SCAMP2: variants seen among roughly 807,000 people sequenced by gnomAD.
The protein encoded by SCAMP2 is secretory carrier membrane protein 2.
A neutral mutation model predicts 44.1 loss-of-function variants in SCAMP2; 25 were observed. The ratio of observed to expected loss-of-function variants is 0.57; its 90% CI spans 0.41 to 0.79. SCAMP2 has a LOEUF of 0.79. Ranked by LOEUF, SCAMP2 falls within the 30% of genes least tolerant of loss-of-function variation. The pLI is 0.00. For missense variants in SCAMP2, 355 were observed against 411.0 expected, an observed-to-expected ratio of 0.86 and a Z score of 1.18; for synonymous variants, 156 against 166.0, an observed-to-expected ratio of 0.94 and a Z score of 0.46.
chr15:74,845,725 C>T (rs2141169727), intron 7 of SCAMP2, 132 bp from the exon 8 acceptor site: 1 of 1,147,212 alleles, frequency 8.7e-7, no homozygotes, highest in South Asian at 1.4e-5. Flanking sequence ...ACAGGGAGCC[C>T]TGTGAGCCAG....
intron 1 of SCAMP2, chr15:74,872,970 A>T (rs1165297803): frequency 2.1e-6 from 1 of 466,522 alleles, no homozygotes; most frequent in Non-Finnish European, 3.8e-6. Flanking sequence ...CGGGTGCTAG[A>T]AGACCCCACT....
chr15:74,868,080 A>C (rs1453820226), intron 1 of SCAMP2, among the ~76,000 whole-genome samples: 1 of 152,200 alleles, frequency 6.6e-6, no homozygotes, highest in Admixed American at 6.5e-5. Context: ...CAAAGCAGAG[A>C]CCGAAATACT....
At chr15:74,869,092 T>C (rs558451244) in intron 1 of SCAMP2, among the ~76,000 whole-genome samples, 1 of 152,238 alleles carries the variant, frequency 6.6e-6, no homozygotes, top group African/African-American at 2.4e-5. Context: ...AGGTGGAGAC[T>C]GCAGTGAGCC....
rs370309946 is a variant in SCAMP2, at chr15:74,873,190, G to C, written c.57+9C>G. On this transcript the variant is annotated intron_variant, in intron 1 of 8. Transcript: ENST00000268099. ...ATCTGAGAGCTGGATGGCGGGAGAG[G>C]GGCTCTACCTGGAAGGGGTTTACAT... 32 of 1,435,258 alleles carry C rather than the reference G, an allele frequency of 2.2e-5. No homozygotes were observed. The highest frequency in any genetic ancestry group is 2.7e-5 in the Non-Finnish European group (30 of 1,098,534). 88.9% of individuals were successfully genotyped at this position (1,435,258 alleles called of 1,614,324 possible). A position where few individuals can be genotyped will look rare whatever the true frequency, so the allele number is the denominator to read the frequency against.
At chr15:74,856,972 C>T (rs1017063364) in intron 1 of SCAMP2, among the ~76,000 whole-genome samples, 1 of 152,196 alleles carries the variant, frequency 6.6e-6, no homozygotes, top group Non-Finnish European at 1.5e-5. Context: ...GATGTAGAAA[C>T]TGATATTCAC....
chr15:74,846,079 T>C (rs2064397110), intron 7 of SCAMP2, among the ~76,000 whole-genome samples: 1 of 151,900 alleles, frequency 6.6e-6, no homozygotes, highest in Non-Finnish European at 1.5e-5. Context: ...GGTCAGGAGT[T>C]TGAGACCAGC....
intron 1 of SCAMP2, among the ~76,000 whole-genome samples, chr15:74,855,883 G>C (rs1010569873): frequency 6.6e-6 from 1 of 152,118 alleles, no homozygotes; most frequent in Admixed American, 6.5e-5. Flanking sequence ...GTTTTTTAAA[G>C]TCTTTTCATA....
At chr15:74,850,392 G>T in intron 6 of SCAMP2, 122 bp downstream of exon 6, 1 of 965,122 alleles carries the variant, frequency 1.0e-6, no homozygotes, top group Non-Finnish European at 1.6e-6. Context: ...TGTAGGGAAA[G>T]TGGATTTCCC....
chr15:74,846,837 G>A (rs542760508), intron 7 of SCAMP2, among the ~76,000 whole-genome samples: 5 of 152,238 alleles, frequency 3.3e-5, no homozygotes, highest in Admixed American at 2.0e-4. Flanking sequence ...TATGGAAAGC[G>A]TGGCTGCTCA....
intron 1 of SCAMP2, among the ~76,000 whole-genome samples, chr15:74,867,060 G>A (rs1055171765): frequency 1.2e-4 from 18 of 152,330 alleles, no homozygotes; most frequent in Admixed American, 3.3e-4. Context: ...CTCCCAAAGT[G>A]CTGGGATTAC....
At chr15:74,845,413 G>A (rs750963093) in intron 8 of SCAMP2, 60 bp downstream of exon 8, 1 of 1,611,962 alleles carries the variant, frequency 6.2e-7, no homozygotes, top group East Asian at 2.2e-5. Flanking sequence ...CTCGTGGCAA[G>A]GGCAGGAAAC....
chr15:74,860,945 C>T (rs1358125963), intron 1 of SCAMP2, among the ~76,000 whole-genome samples: 4 of 151,900 alleles, frequency 2.6e-5, no homozygotes, highest in African/African-American at 7.3e-5. Flanking sequence ...GAGGCTGAGG[C>T]GGGTAGATCA....
chr15:74,861,900 C>CAAAA (rs71140103), intron 1 of SCAMP2, among the ~76,000 whole-genome samples: 29 of 43,380 alleles, frequency 6.7e-4, no homozygotes, highest in Admixed American at 1.1e-3. Context: ...GACTCTGTCT[C>CAAAA]AAAAAAAAAA....
chr15:74,860,226 C>T (rs1321045001), intron 1 of SCAMP2, among the ~76,000 whole-genome samples: 1 of 152,062 alleles, frequency 6.6e-6, no homozygotes, highest in African/African-American at 2.4e-5. Context: ...GCCAATATGG[C>T]CAACATGGTA....
At chr15:74,854,183 A>G (rs2064453565) in intron 2 of SCAMP2, 64 bp from the exon 3 acceptor site, 2 of 1,407,432 alleles carry the variant, frequency 1.4e-6, no homozygotes, top group African/African-American at 1.4e-5. Flanking sequence ...CGAGGGGGCA[A>G]ACCCACAGCA....
rs73436505 is a variant in SCAMP2 at position 74,873,166 on chromosome 15, T to C, written c.57+33A>G. ...GCGGCGGCCGTGGGCCCTAGGGAAATCTGAGAGCTGGATGGCGGGAGAGGG... is the reference window on the plus strand; with the variant it reads ...GCGGCGGCCGTGGGCCCTAGGGAAACCTGAGAGCTGGATGGCGGGAGAGGG... On this transcript the variant is annotated intron_variant, in intron 1 of 8. Coordinates refer to ENST00000268099, the MANE Select transcript of SCAMP2 (RefSeq NM_005697.5). 1,941 of 1,422,552 alleles carry C rather than the reference T, an allele frequency of 1.4e-3. 16 individuals are homozygous for C. In the African/African-American group the frequency reaches 0.025, roughly 19 times the overall value. 88.1% of individuals were successfully genotyped at this position (1,422,552 alleles called of 1,614,324 possible).
chr15:74,857,979 C>A (rs1447938367), intron 1 of SCAMP2, among the ~76,000 whole-genome samples: 1 of 152,190 alleles, frequency 6.6e-6, no homozygotes, highest in Non-Finnish European at 1.5e-5. Flanking sequence ...ACAGGAGGCA[C>A]CTGCATCACA....
chr15:74,859,890 C>G (rs1379530839), intron 1 of SCAMP2, among the ~76,000 whole-genome samples: 4 of 152,092 alleles, frequency 2.6e-5, no homozygotes, highest in African/African-American at 9.7e-5. Flanking sequence ...TTCCTGTATT[C>G]CACCCAGGCT....
rs866967271 is a variant in SCAMP2, at chr15:74,851,780, C to A, written c.343+289G>T. The A allele has an allele frequency of 3.3e-5, 15 of 454,290 alleles. No individual in the cohort carries two copies. The Admixed American group carries it at 5.7e-4, about 17-fold the overall frequency. 28.1% of individuals were successfully genotyped at this position (454,290 alleles called of 1,614,324 possible). The stretch of plus-strand genomic sequence containing the variant: ...AGCCCATAAGTGTGAGAACTCAGTT[C>A]ATCATCATTAGCAAGGAATTGTGGG... On this transcript the variant is annotated intron_variant, in intron 4 of 8. Transcript: ENST00000268099.
Sources: allele counts gnomAD v4.1 joint callset (sites outside exome capture counted in the v4.1 genomes callset), GRCh38; gene constraint gnomAD v4.1.1; transcripts MANE v1.5; gene names NCBI Gene and HGNC (gene_info 2026-07-23, HGNC 2026-07-21).